The following ZCCHC7 variants were observed in gnomAD, a reference collection of about 807,000 sequenced individuals.
The protein encoded by ZCCHC7 is zinc finger CCHC-type containing 7.
A neutral mutation model predicts 52.0 loss-of-function variants in ZCCHC7; 35 were observed. That is an observed-to-expected ratio of 0.67 (90% CI 0.51 to 0.89). The LOEUF (loss-of-function observed/expected upper bound fraction) is 0.89. Among genes scored for constraint, ZCCHC7 ranks in the 40% least tolerant of loss-of-function variants. The pLI is 0.00. For synonymous variants in ZCCHC7, 217 were observed against 221.5 expected (o/e 0.98, Z 0.18); for missense variants, 574 against 649.1 (o/e 0.88, Z 1.26).
intron 2 of ZCCHC7, among the ~76,000 whole-genome samples, chr9:37,175,964 T>C (rs1822001288): frequency 6.6e-6 from 1 of 152,238 alleles, no homozygotes; most frequent in African/African-American, 2.4e-5. Context: ...TTATCAAAAA[T>C]GTAAGAGGTT....
chr9:37,145,674 G>A (rs1298157152), intron 2 of ZCCHC7, among the ~76,000 whole-genome samples: 1 of 151,802 alleles, frequency 6.6e-6, no homozygotes, highest in African/African-American at 2.4e-5. Context: ...GAAAATAGGA[G>A]CATACCCAAC....
intron 2 of ZCCHC7, among the ~76,000 whole-genome samples, chr9:37,285,040 T>A (rs1248260570): frequency 6.6e-6 from 1 of 152,316 alleles, no homozygotes; most frequent in East Asian, 1.9e-4. Context: ...CTAGCATGGG[T>A]GGCTTAAGGA....
chr9:37,185,160 G>A (rs1247142852), intron 2 of ZCCHC7, among the ~76,000 whole-genome samples: 7 of 152,174 alleles, frequency 4.6e-5, no homozygotes, highest in Admixed American at 6.5e-5. Flanking sequence ...TCTAGAGGTC[G>A]TGGGTGCCAT....
chr9:37,315,395 GT>G (rs1375246625), intron 5 of ZCCHC7, among the ~76,000 whole-genome samples: 1 of 151,604 alleles, frequency 6.6e-6, no homozygotes, highest in African/African-American at 2.4e-5. Context: ...CGTGATCTTC[GT>G]TTGTTGTAAG....
intron 2 of ZCCHC7, among the ~76,000 whole-genome samples, chr9:37,288,201 G>A (rs1237940986): frequency 6.6e-6 from 1 of 151,406 alleles, no homozygotes; most frequent in Non-Finnish European, 1.5e-5. Flanking sequence ...GATTGCTTGA[G>A]CCCAGGAGGT....
chr9:37,178,598 A>C (rs1013892077), intron 2 of ZCCHC7, among the ~76,000 whole-genome samples: 1 of 152,200 alleles, frequency 6.6e-6, no homozygotes, highest in Non-Finnish European at 1.5e-5. Context: ...TTATGATATA[A>C]AAGATTTAAC....
At chr9:37,128,070 G>T (rs371416921) in intron 2 of ZCCHC7, among the ~76,000 whole-genome samples, 1 of 152,166 alleles carries the variant, frequency 6.6e-6, no homozygotes, top group Admixed American at 6.5e-5. Flanking sequence ...ACAGAATCGC[G>T]TAAAGTTTTT....
chr9:37,294,484 C>G (rs1828688154), intron 2 of ZCCHC7, among the ~76,000 whole-genome samples: 1 of 152,126 alleles, frequency 6.6e-6, no homozygotes, highest in African/African-American at 2.4e-5. Flanking sequence ...CATGTGGATT[C>G]TGTTTCTACC....
chr9:37,231,586 T>C (rs924167501), intron 2 of ZCCHC7, among the ~76,000 whole-genome samples: 10 of 152,226 alleles, frequency 6.6e-5, no homozygotes, highest in African/African-American at 2.4e-4. Context: ...ATTAAGTTGA[T>C]TAATGAAAAC....
intron 5 of ZCCHC7, among the ~76,000 whole-genome samples, chr9:37,310,452 C>T (rs1192394574): frequency 6.6e-6 from 1 of 152,180 alleles, no homozygotes. Flanking sequence ...GCTTCATTCA[C>T]CACTATGCCC....
intron 2 of ZCCHC7, among the ~76,000 whole-genome samples, chr9:37,224,263 TGTACTG>T (rs1281732912): frequency 6.6e-6 from 1 of 152,188 alleles, no homozygotes; most frequent in Non-Finnish European, 1.5e-5. Flanking sequence ...ATTAGCTCCA[TGTACTG>T]GTAATTGTTA....
chr9:37,124,761 A>T (rs936874540), intron 1 of ZCCHC7, among the ~76,000 whole-genome samples: 1 of 152,226 alleles, frequency 6.6e-6, no homozygotes, highest in Non-Finnish European at 1.5e-5. Flanking sequence ...TTACACATTT[A>T]TTCCCAAAGC....
intron 5 of ZCCHC7, among the ~76,000 whole-genome samples, chr9:37,308,457 T>A (rs936731735): frequency 2.0e-5 from 3 of 152,166 alleles, no homozygotes; most frequent in Non-Finnish European, 4.4e-5. Context: ...AACAAGAAAC[T>A]GTACTACAGA....
intron 6 of ZCCHC7, among the ~76,000 whole-genome samples, chr9:37,337,074 A>G (rs1055433117): frequency 2.0e-5 from 3 of 152,160 alleles, no homozygotes; most frequent in African/African-American, 7.2e-5. Flanking sequence ...AGCCTGGCTG[A>G]TTAATGAACT....
intron 2 of ZCCHC7, among the ~76,000 whole-genome samples, chr9:37,259,490 A>G (rs1564208016): frequency 1.3e-5 from 2 of 152,170 alleles, no homozygotes; most frequent in Non-Finnish European, 2.9e-5. Flanking sequence ...AAGATTACAA[A>G]TATTTTTTGA....
At chr9:37,299,467 A>G (rs1447241513) in intron 2 of ZCCHC7, among the ~76,000 whole-genome samples, 2 of 152,206 alleles carry the variant, frequency 1.3e-5, no homozygotes, top group African/African-American at 2.4e-5. Flanking sequence ...CACACAGCAA[A>G]TTAGCGGCAC....
At chr9:37,352,947 G>A (rs184599262) in intron 7 of ZCCHC7, among the ~76,000 whole-genome samples, 2 of 151,988 alleles carry the variant, frequency 1.3e-5, no homozygotes, top group African/African-American at 4.8e-5. Flanking sequence ...ATAGCAGAAG[G>A]ATGGAAATGA....
At chr9:37,178,673 A>G (rs1226772375) in intron 2 of ZCCHC7, among the ~76,000 whole-genome samples, 3 of 152,208 alleles carry the variant, frequency 2.0e-5, no homozygotes, top group Non-Finnish European at 4.4e-5. Flanking sequence ...TACAAAGTTC[A>G]GGTGTTGTAG....
At chr9:37,291,923 C>T (rs1450393731) in intron 2 of ZCCHC7, among the ~76,000 whole-genome samples, 1 of 152,188 alleles carries the variant, frequency 6.6e-6, no homozygotes, top group Non-Finnish European at 1.5e-5. Flanking sequence ...GAACTCCCGA[C>T]CTCAGGTGAT....
Sources: allele counts gnomAD v4.1 joint callset (sites outside exome capture counted in the v4.1 genomes callset), GRCh38; gene constraint gnomAD v4.1.1; transcripts MANE v1.5; gene names NCBI Gene and HGNC (gene_info 2026-07-23, HGNC 2026-07-21).